Variants in SH3BP5 observed in about 807,000 individuals in gnomAD.
SH3BP5 encodes SH3 domain-binding protein 5.
In SH3BP5, 22 loss-of-function variants were observed where a neutral mutation model predicts 43.3. That is an observed-to-expected ratio of 0.51 (90% CI 0.36 to 0.73). SH3BP5 has a LOEUF of 0.73. Ranked by LOEUF, SH3BP5 falls within the 30% of genes least tolerant of loss-of-function variation. The probability of loss-of-function intolerance (pLI) is 0.00; values close to 1 mark genes in which losing one functional copy is unlikely to be tolerated. For missense variants in SH3BP5, 529 were observed against 586.9 expected (o/e 0.90, Z 1.02); for synonymous variants, 255 against 225.8 (o/e 1.13, Z -1.16).
At chr3:15,268,540 C>A (rs1696707247) in intron 4 of SH3BP5, among the ~76,000 whole-genome samples, 3 of 152,108 alleles carry the variant, frequency 2.0e-5, no homozygotes, top group Admixed American at 2.0e-4. Context: ...TGCAGAGGGG[C>A]ACAATGGACC....
rs756970450 is a variant in SH3BP5, at chr3:15,256,058, A to G, written c.*28T>C. 2.7e-5 allele frequency: 41 copies of G among 1,534,244 alleles called. No individual in the cohort carries two copies. Among genetic ancestry groups the G allele is most frequent in the South Asian group, 1.6e-4 (14 of 87,902 alleles). On this transcript the variant is annotated 3_prime_UTR_variant, in exon 9 of 9. Coordinates refer to ENST00000383791, the MANE Select transcript of SH3BP5 (RefSeq NM_004844.5). ...TCCAGTTCCATGTATAAATGTTGAT[A>G]TGCACATCGGCCAGGGCCCAGGATG...
chr3:15,264,229 G>A (rs1696554293), intron 4 of SH3BP5: 1 of 151,716 alleles, frequency 6.6e-6, no homozygotes, highest in Admixed American at 6.6e-5. Flanking sequence ...TTGTCTTGAA[G>A]CTGTTTTACA....
intron 3 of SH3BP5, chr3:15,271,661 A>G (rs1559432003): frequency 1.3e-5 from 2 of 150,812 alleles, no homozygotes; most frequent in Admixed American, 6.6e-5. Flanking sequence ...CTGGATGACA[A>G]GAGCGAAATT....
rs1696439578 is a variant in SH3BP5 at position 15,261,597 on chromosome 3, T to A, written c.626+562A>T. Among the ~76,000 whole-genome samples the A allele has an allele frequency of 3.3e-5, 5 of 151,916 alleles. 1 individual carries two copies. Among genetic ancestry groups the A allele is most frequent in the Admixed American group, 3.3e-4 (5 of 15,250 alleles). The stretch of plus-strand genomic sequence containing the variant: ...TGCTAGGAGGCCTAGCAATTGGGAA[T>A]GAAGCAGGGGGCTTGTCCCCAAGAG... On this transcript the variant is annotated intron_variant, in intron 5 of 8. Transcript: ENST00000383791.
chr3:15,309,588 G>A (rs1165039418), intron 2 of SH3BP5, among the ~76,000 whole-genome samples: 2 of 152,114 alleles, frequency 1.3e-5, no homozygotes, highest in African/African-American at 2.4e-5. Flanking sequence ...CTAAGCAGGG[G>A]CATGACCTGA....
chr3:15,273,546 C>T (rs1182726082), intron 3 of SH3BP5: 3 of 272,316 alleles, frequency 1.1e-5, no homozygotes, highest in Non-Finnish European at 1.1e-5. Context: ...CTTGCCATAT[C>T]ACAGGTACAA....
At chr3:15,287,914 T>C (rs2125089387) in intron 3 of SH3BP5, among the ~76,000 whole-genome samples, 1 of 152,338 alleles carries the variant, frequency 6.6e-6, no homozygotes, top group East Asian at 1.9e-4. Context: ...GGCTTGACAC[T>C]GGAGACAGAA....
chr3:15,256,212 AC>A lies in SH3BP5; in HGVS notation c.1241del (p.Ser414IlefsTer18). ...LSSSSGSGGS[S>X]KSQSSTSPEG... is the part of the protein sequence containing the mutation. ...CAGGGGAGGTGCTGCTTTGGCTCTTACTGCTGCCACCACTGCCACTGCTACT... is the reference window on the plus strand; with the variant it reads ...CAGGGGAGGTGCTGCTTTGGCTCTTATGCTGCCACCACTGCCACTGCTACT... On this transcript the variant is annotated frameshift_variant, in exon 9 of 9. Coordinates refer to ENST00000383791, the MANE Select transcript of SH3BP5 (RefSeq NM_004844.5). LOFTEE classifies it low-confidence loss of function (END_TRUNC). The A allele has an allele frequency of 6.2e-7, 1 of 1,614,004 alleles. No homozygotes were observed. The highest frequency in any genetic ancestry group is 8.5e-7 in the Non-Finnish European group (1 of 1,180,000).
intron 3 of SH3BP5, among the ~76,000 whole-genome samples, chr3:15,270,701 G>A (rs750223694): frequency 4.6e-5 from 7 of 152,006 alleles, no homozygotes; most frequent in South Asian, 2.1e-4. Context: ...GGAGGCAGGC[G>A]GATCACTTGA....
intron 1 of SH3BP5, among the ~76,000 whole-genome samples, chr3:15,331,563 G>GA (rs1437707407): frequency 6.6e-6 from 1 of 152,146 alleles, no homozygotes; most frequent in East Asian, 1.9e-4. Context: ...ATCTCTCTTG[G>GA]AAATGGAGGC....
In SH3BP5 at chr3:15,256,253, T is replaced by G. The variant is rs34419005; in HGVS notation, c.1201A>C (p.Asn401His). 181 of 1,614,208 alleles carry G rather than the reference T, an allele frequency of 1.1e-4. No individual in the cohort carries two copies. The Middle Eastern group carries it at 2.0e-3, about 18-fold the overall frequency. The change falls in exon 9 of 9, where the codon AAC becomes CAC. Residue 401 changes from asparagine (N) to histidine (H), a missense_variant. Asn to His is a moderately conservative substitution (Grantham distance 68). Coordinates refer to ENST00000383791, the MANE Select transcript of SH3BP5 (RefSeq NM_004844.5). ...ENKTSDKANN[N>H]RGLSSSSGSG... is the part of the protein sequence containing the mutation. ...CCACTGCTACTGCTGAGGCCCCGGT[T>G]GTTGTTGGCTTTGTCACTTGTTTTA...
chr3:15,297,906 T>C (rs895400233), intron 3 of SH3BP5, among the ~76,000 whole-genome samples: 4 of 152,022 alleles, frequency 2.6e-5, no homozygotes, highest in African/African-American at 4.8e-5. Flanking sequence ...ATAAATGTTT[T>C]AAGCCATTAA....
chr3:15,285,481 A>G (rs1438903530), intron 3 of SH3BP5, among the ~76,000 whole-genome samples: 1 of 152,156 alleles, frequency 6.6e-6, no homozygotes, highest in Non-Finnish European at 1.5e-5. Flanking sequence ...AAAAGAATTT[A>G]CCCTCTCTGA....
At chr3:15,266,306 C>T (rs1473537993) in intron 4 of SH3BP5, among the ~76,000 whole-genome samples, 1 of 152,258 alleles carries the variant, frequency 6.6e-6, no homozygotes, top group African/African-American at 2.4e-5. Flanking sequence ...TCGTGAGCAG[C>T]TCCTCACCTG....
chr3:15,331,989 A>C, intron 1 of SH3BP5: 2 of 382,184 alleles, frequency 5.2e-6, no homozygotes, highest in Non-Finnish European at 9.5e-6. Flanking sequence ...CCTTTGTTGC[A>C]CATCCACCCG....
intron 2 of SH3BP5, among the ~76,000 whole-genome samples, chr3:15,313,829 C>T (rs141951285): frequency 3.2e-4 from 49 of 152,200 alleles, no homozygotes; most frequent in African/African-American, 1.2e-3. Flanking sequence ...GGGCCAGGCA[C>T]GGTGGCTTAC....
rs748141476 is a variant in SH3BP5 at position 15,269,704 on chromosome 3, G to T, written c.495+9C>A. On this transcript the variant is annotated intron_variant, in intron 4 of 8. Transcript: ENST00000383791. ...ACACCCCCACAGCACACCCGGCCAT[G>T]ACTCATACCCTCTGAGTGGCGTGAT... The T allele has an allele frequency of 3.2e-6, 5 of 1,569,796 alleles. No homozygotes were observed. The African/African-American group carries it at 6.8e-5, about 21-fold the overall frequency.
At chr3:15,273,445 G>C (rs1696873507) in intron 3 of SH3BP5, 3 of 975,918 alleles carry the variant, frequency 3.1e-6, no homozygotes, top group Non-Finnish European at 3.7e-6. Flanking sequence ...AGCTGCCTTT[G>C]AGAAGAACAT....
intron 6 of SH3BP5, 94 bp from the exon 7 acceptor site, chr3:15,259,144 T>C: frequency 1.0e-6 from 1 of 1,003,062 alleles, no homozygotes. Context: ...CTGCCCATCA[T>C]TCTACTTCAA....
Sources: allele counts gnomAD v4.1 joint callset (sites outside exome capture counted in the v4.1 genomes callset), GRCh38; gene constraint gnomAD v4.1.1; transcripts MANE v1.5; gene names NCBI Gene and HGNC (gene_info 2026-07-23, HGNC 2026-07-21).